Variants in PTPRQ observed in about 807,000 individuals in gnomAD.
The protein encoded by PTPRQ is phosphatidylinositol phosphatase PTPRQ.
A neutral mutation model predicts 246.0 loss-of-function variants in PTPRQ; 199 were observed. That is an observed-to-expected ratio of 0.81 (90% CI 0.72 to 0.91). The LOEUF (loss-of-function observed/expected upper bound fraction) is 0.91. Ranked by LOEUF, PTPRQ falls within the 40% of genes least tolerant of loss-of-function variation. The pLI, the probability that PTPRQ is intolerant of heterozygous loss-of-function variation, is 0.00. For synonymous variants in PTPRQ, 869 were observed against 853.2 expected (o/e 1.02, Z -0.32); for missense variants, 2,624 against 2,528.4 (o/e 1.04, Z -0.81).
chr12:80,509,494 C>T (rs1895061827), intron 16 of PTPRQ, among the ~76,000 whole-genome samples: 1 of 151,992 alleles, frequency 6.6e-6, no homozygotes. Context: ...TAACAATGAA[C>T]CAAATTTTAG....
intron 29 of PTPRQ, among the ~76,000 whole-genome samples, chr12:80,614,760 C>A (rs887522305): frequency 6.7e-6 from 1 of 149,908 alleles, no homozygotes; most frequent in Non-Finnish European, 1.5e-5. Flanking sequence ...TTTATCAAAT[C>A]TGAGCCCAGT....
chr12:80,611,989 AT>A (rs1195739137), intron 28 of PTPRQ, among the ~76,000 whole-genome samples: 1 of 150,218 alleles, frequency 6.7e-6, no homozygotes, highest in African/African-American at 2.4e-5. Flanking sequence ...ATTTATTTAC[AT>A]TTTTTGCAAG....
intron 25 of PTPRQ, among the ~76,000 whole-genome samples, chr12:80,585,373 C>T (rs1215086986): frequency 6.6e-6 from 1 of 152,166 alleles, no homozygotes; most frequent in Admixed American, 6.5e-5. Flanking sequence ...GAATGTTTCT[C>T]TTCACTTCTG....
intron 26 of PTPRQ, among the ~76,000 whole-genome samples, chr12:80,598,651 C>G (rs1382613975): frequency 6.6e-6 from 1 of 151,944 alleles, no homozygotes; most frequent in Non-Finnish European, 1.5e-5. Context: ...TTAGTGATGA[C>G]AGTCACTAGA....
At chr12:80,475,337 G>T (rs557415557) in intron 8 of PTPRQ, among the ~76,000 whole-genome samples, 5 of 152,146 alleles carry the variant, frequency 3.3e-5, no homozygotes, top group Non-Finnish European at 7.4e-5. Flanking sequence ...TTTGAAGTTG[G>T]AGAAAATGGC....
chr12:80,647,158 T>C (rs916840179), intron 35 of PTPRQ, among the ~76,000 whole-genome samples: 2 of 152,228 alleles, frequency 1.3e-5, no homozygotes, highest in South Asian at 2.1e-4. Context: ...CTCTCTGCGA[T>C]GGGTGGCAGT....
rs112120575 is a variant in PTPRQ at position 80,494,664 on chromosome 12, A to G, written c.1541-269A>G. On this transcript the variant is annotated intron_variant, in intron 10 of 44. Transcript: ENST00000644991. ...ATGTCATGTTTCAGAGTAATGTGTA[A>G]AAACTAACAAAATTATATTATGAAC... Among the ~76,000 whole-genome samples the G allele has an allele frequency of 3.1e-4, 47 of 152,054 alleles. 1 individual carries two copies. The highest frequency in any genetic ancestry group is 1.1e-3 in the African/African-American group (46 of 41,534).
At chr12:80,455,097 C>T (rs1388635396) in intron 3 of PTPRQ, among the ~76,000 whole-genome samples, 8 of 151,516 alleles carry the variant, frequency 5.3e-5, no homozygotes, top group South Asian at 2.1e-4. Context: ...CACTTGAACC[C>T]GGGAGGCAGA....
chr12:80,564,014 T>C (rs1896907421), intron 25 of PTPRQ, among the ~76,000 whole-genome samples: 2 of 152,114 alleles, frequency 1.3e-5, no homozygotes, highest in Admixed American at 6.5e-5. Flanking sequence ...TCTGTCTTGC[T>C]AGACTGCACT....
chr12:80,630,375 A>G (rs890330383), intron 33 of PTPRQ, among the ~76,000 whole-genome samples: 11 of 152,170 alleles, frequency 7.2e-5, no homozygotes, highest in African/African-American at 2.6e-4. Flanking sequence ...TTTCTTATAA[A>G]TTAGAAATAA....
chr12:80,674,304 T>C (rs1210080606), intron 43 of PTPRQ, among the ~76,000 whole-genome samples: 2 of 152,154 alleles, frequency 1.3e-5, no homozygotes, highest in Non-Finnish European at 1.5e-5. Context: ...AAAAGAGTTA[T>C]CTGCTAAAAT....
intron 25 of PTPRQ, among the ~76,000 whole-genome samples, chr12:80,555,879 G>A (rs2120896711): frequency 6.6e-6 from 1 of 152,262 alleles, no homozygotes; most frequent in East Asian, 1.9e-4. Context: ...CAGGTTCTAG[G>A]TGTGGGGTTC....
chr12:80,584,054 T>C lies in PTPRQ; in HGVS notation c.4286-4075T>C, dbSNP rs143466527. ...TTCCTTTTCTGAAAACGGCCAAAAA[T>C]ACTATCCTCCTTTTAGAGGGCTCAG... On this transcript the variant is annotated intron_variant, in intron 25 of 44. Transcript: ENST00000644991. 1.3e-3 allele frequency: 193 copies of C among 152,312 alleles called. 1 individual carries two copies. The highest frequency in any genetic ancestry group is 4.5e-3 in the African/African-American group (189 of 41,554). 9.4% of individuals were successfully genotyped at this position (152,312 alleles called of 1,614,324 possible).
In PTPRQ at chr12:80,644,036, G is replaced by C. The variant is rs186339990; in HGVS notation, c.5916-4861G>C. Among the ~76,000 whole-genome samples the C allele has an allele frequency of 1.7e-4, 26 of 152,242 alleles. 1 individual carries two copies. In the South Asian group the frequency reaches 2.5e-3, roughly 15 times the overall value. ...GCTGGTTGAAGCTGCTCAGCTATAG[G>C]TTATCATCTGTGGCTCTCTATTAGG... is the stretch of plus-strand genomic sequence containing the variant. On this transcript the variant is annotated intron_variant, in intron 35 of 44. Transcript: ENST00000644991.
chr12:80,630,325 T>C (rs1187493110), intron 33 of PTPRQ, among the ~76,000 whole-genome samples: 1 of 152,150 alleles, frequency 6.6e-6, no homozygotes, highest in African/African-American at 2.4e-5. Context: ...TGTCTGGTGG[T>C]TTTCTCTTGA....
At chr12:80,616,551 T>C (rs1898770254) in intron 30 of PTPRQ, among the ~76,000 whole-genome samples, 1 of 151,188 alleles carries the variant, frequency 6.6e-6, no homozygotes, top group Non-Finnish European at 1.5e-5. Context: ...AGTCCGTTAT[T>C]TGATGTTTCT....
At chr12:80,599,213 G>A (rs1241554730) in intron 26 of PTPRQ, among the ~76,000 whole-genome samples, 1 of 151,950 alleles carries the variant, frequency 6.6e-6, no homozygotes, top group African/African-American at 2.4e-5. Context: ...AATGATGGTT[G>A]TTAGTTACAG....
In PTPRQ at chr12:80,642,435, T is replaced by A. The variant is rs904181234; in HGVS notation, c.5916-6462T>A. Among the ~76,000 whole-genome samples, 3 of 152,292 alleles carry A rather than the reference T, an allele frequency of 2.0e-5. No individual in the cohort carries two copies. In the South Asian group the frequency reaches 6.2e-4, roughly 32 times the overall value. On this transcript the variant is annotated intron_variant, in intron 35 of 44. Transcript: ENST00000644991. ...CAATGCCCATGGTTTTCATTTAGAA[T>A]ACATGGTTGACAAAAGAAGACTTCT...
chr12:80,501,526 C>T (rs1048113831), intron 14 of PTPRQ, among the ~76,000 whole-genome samples: 1 of 151,828 alleles, frequency 6.6e-6, no homozygotes, highest in African/African-American at 2.4e-5. Context: ...GGAAAAGATA[C>T]AGAGCTGAAT....
Sources: allele counts gnomAD v4.1 joint callset (sites outside exome capture counted in the v4.1 genomes callset), GRCh38; gene constraint gnomAD v4.1.1; transcripts MANE v1.5; gene names NCBI Gene and HGNC (gene_info 2026-07-23, HGNC 2026-07-21).